Variants in CR2 observed in about 807,000 individuals in gnomAD.
CR2 encodes the protein complement receptor type 2.
Under a neutral mutation model 123.0 loss-of-function variants are expected in CR2, and 96 were observed. The ratio of observed to expected loss-of-function variants is 0.78; its 90% CI spans 0.66 to 0.93. The LOEUF is 0.93. CR2 is among the 40% of genes least tolerant of loss of function. CR2 has a pLI of 0.00. For missense variants in CR2, 1,258 were observed against 1,361.0 expected (o/e 0.92, Z 1.19); for synonymous variants, 484 against 469.5 (o/e 1.03, Z -0.40).
chr1:207,471,259 A>G (rs1658271560), intron 8 of CR2, among the ~76,000 whole-genome samples, 164 bp from the exon 9 acceptor site: 1 of 152,176 alleles, frequency 6.6e-6, no homozygotes, highest in Non-Finnish European at 1.5e-5. Flanking sequence ...TTTTCCATGC[A>G]TGGAAATTAT....
chr1:207,477,270 G>A (rs73072577), intron 15 of CR2, among the ~76,000 whole-genome samples: 1,608 of 152,318 alleles, frequency 0.011, 38 homozygotes, highest in African/African-American at 0.036. Flanking sequence ...AGGCAAGAGA[G>A]CGTGTGCAGG....
At chr1:207,484,599 CG>C (rs1222679812) in intron 18 of CR2, among the ~76,000 whole-genome samples, 1 of 152,206 alleles carries the variant, frequency 6.6e-6, no homozygotes, top group African/African-American at 2.4e-5. Context: ...CTCCTGTACA[CG>C]GAACTCTTCA....
intron 9 of CR2, among the ~76,000 whole-genome samples, chr1:207,472,174 G>A (rs545924764): frequency 3.3e-5 from 5 of 151,962 alleles, no homozygotes; most frequent in African/African-American, 9.7e-5. Context: ...ACTTGAACCC[G>A]GGAGGCGGAG....
Position 207,476,387 on chromosome 1 carries a change from G to T in CR2, c.2870G>T (p.Gly957Val), listed in dbSNP as rs764859619. 1.9e-6 allele frequency: 3 copies of T among 1,613,786 alleles called. No individual in the cohort carries two copies. Among genetic ancestry groups the T allele is most frequent in the Non-Finnish European group, 2.5e-6 (3 of 1,179,872 alleles). The change falls in exon 15 of 20, where the codon GGA becomes GTA. Residue 957 changes from glycine to valine, a missense_variant. Coordinates refer to ENST00000367057, the MANE Select transcript of CR2 (RefSeq NM_001006658.3). ...GCACTCCTTCTTTGCACACATGAGG[G>T]AACCTGGAGCCAACCTGCCCCTCAT... ...GEALLLCTHE[G>V]TWSQPAPHCK...
At chr1:207,467,021 G>T in intron 2 of CR2, 109 bp downstream of exon 2, 2 of 1,297,960 alleles carry the variant, frequency 1.5e-6, no homozygotes, top group Middle Eastern at 2.8e-4. Flanking sequence ...TAATGATGAG[G>T]GTGGAAGAAG....
intron 9 of CR2, chr1:207,471,913 T>C (rs1405597304): frequency 3.4e-6 from 1 of 290,948 alleles, no homozygotes; most frequent in Non-Finnish European, 6.6e-6. Flanking sequence ...TTCTGTAAAG[T>C]TGGCATAAGA....
chr1:207,456,067 AAT>A (rs1233200465), intron 1 of CR2, among the ~76,000 whole-genome samples: 1 of 152,216 alleles, frequency 6.6e-6, no homozygotes, highest in Non-Finnish European at 1.5e-5. Flanking sequence ...AAAATTAAGA[AAT>A]ATATATATTT....
rs1247960806 is a variant in CR2, at chr1:207,470,804, C to A, written c.1290C>A (p.Asp430Glu). The A allele has an allele frequency of 1.2e-6, 2 of 1,613,866 alleles. No homozygotes were observed. Among genetic ancestry groups the A allele is most frequent in the South Asian group, 2.2e-5 (2 of 91,074 alleles). Residue 430 changes from aspartate (D) to glutamate (E), a missense_variant, in exon 7 of 20, where the codon GAC becomes GAA. Coordinates refer to ENST00000367057, the MANE Select transcript of CR2 (RefSeq NM_001006658.3). ...QKEDRHMVRFDPGTSIKYSCN... is the reference protein window; with the variant it reads ...QKEDRHMVRFEPGTSIKYSCN... ...AAGATAGACACATGGTCCGCTTTGA[C>A]CCTGGAACATCTATAAAATATAGCT...
chr1:207,473,791 G>C lies in CR2; in HGVS notation c.2156-10G>C. ...CTATAAATACTGTAATTCCATCCTT[G>C]CTTCTCCAGAAACATGCCAGCATGT... On this transcript the variant is annotated splice_polypyrimidine_tract_variant and intron_variant, in intron 11 of 19. Transcript: ENST00000367057. The C allele has an allele frequency of 2.5e-6, 4 of 1,613,902 alleles. No individual in the cohort carries two copies. Among genetic ancestry groups the C allele is most frequent in the Non-Finnish European group, 3.4e-6 (4 of 1,179,870 alleles).
At chr1:207,475,883 C>T (rs957620031) in intron 14 of CR2, among the ~76,000 whole-genome samples, 1 of 152,224 alleles carries the variant, frequency 6.6e-6, no homozygotes, top group Non-Finnish European at 1.5e-5. Context: ...CTTGTCGTAT[C>T]TGGTGGCTTC....
At chr1:207,479,123 C>T in intron 16 of CR2, 134 bp from the exon 17 acceptor site, 1 of 740,822 alleles carries the variant, frequency 1.3e-6, no homozygotes, top group Non-Finnish European at 2.4e-6. Flanking sequence ...TGTGCCTGGC[C>T]CCAGTACATC....
chr1:207,487,077 C>T (rs1558200085), intron 19 of CR2, among the ~76,000 whole-genome samples: 3 of 152,092 alleles, frequency 2.0e-5, no homozygotes, highest in African/African-American at 7.2e-5. Flanking sequence ...AAGTACTGAG[C>T]CCTGGATCCT....
rs890195632 is a variant in CR2, at chr1:207,479,257, G to A, written c.3089G>A (p.Arg1030His). Residue 1030 changes from arginine (R) to histidine (H), a missense_variant and splice_region_variant, in exon 17 of 20, where the codon CGT becomes CAT. By Grantham distance (29) the Arg-to-His change is conservative (BLOSUM62 0). Coordinates refer to ENST00000367057, the MANE Select transcript of CR2 (RefSeq NM_001006658.3). ...WNPPLAVCRSRSLAPVLCGIA... is the reference protein window; with the variant it reads ...WNPPLAVCRSHSLAPVLCGIA... ...TTTCATGATTTTGTACTATTTTTAGGTTCACTTGCTCCTGTCCTTTGTGGT... is the reference window on the plus strand; with the variant it reads ...TTTCATGATTTTGTACTATTTTTAGATTCACTTGCTCCTGTCCTTTGTGGT... The A allele has an allele frequency of 1.3e-6, 2 of 1,595,724 alleles. No individual in the cohort carries two copies. Among genetic ancestry groups the A allele is most frequent in the Non-Finnish European group, 1.7e-6 (2 of 1,163,766 alleles).
intron 2 of CR2, 76 bp from the exon 3 acceptor site, chr1:207,468,451 A>T (rs1003854215): frequency 2.7e-6 from 4 of 1,495,132 alleles, no homozygotes; most frequent in Admixed American, 1.7e-5. Context: ...AAGCCAAAAG[A>T]TTGGACCCCC....
At chr1:207,461,457 G>A (rs529332613) in intron 1 of CR2, among the ~76,000 whole-genome samples, 1 of 152,248 alleles carries the variant, frequency 6.6e-6, no homozygotes, top group Non-Finnish European at 1.5e-5. Flanking sequence ...TTACTGCAAT[G>A]ATATGCATTC....
intron 2 of CR2, among the ~76,000 whole-genome samples, chr1:207,467,604 T>C (rs1028345536): frequency 6.6e-6 from 1 of 152,152 alleles, no homozygotes; most frequent in Non-Finnish European, 1.5e-5. Flanking sequence ...AAGAACAATA[T>C]TGACAAATTT....
chr1:207,456,699 A>G (rs1049226334), intron 1 of CR2, among the ~76,000 whole-genome samples: 3 of 152,186 alleles, frequency 2.0e-5, no homozygotes, highest in Admixed American at 6.5e-5. Flanking sequence ...CTACAAACCT[A>G]CCAACTTACA....
rs148336036 is a variant in CR2, at chr1:207,469,786, C to T, written c.909C>T (p.Tyr303=). Residue 303 remains tyrosine (Y), a synonymous_variant, in exon 6 of 20, where the codon TAC becomes TAT. Coordinates refer to ENST00000367057, the MANE Select transcript of CR2 (RefSeq NM_001006658.3). ...ANVSYGSIVT[Y]TCDPDPEEGV... Reference sequence around the variant, plus strand: ...TCTCATATGGAAGCATAGTCACTTACACTTGTGACCCGGACCCAGAGGAAG... The same window carrying T: ...TCTCATATGGAAGCATAGTCACTTATACTTGTGACCCGGACCCAGAGGAAG... The T allele has an allele frequency of 1.6e-5, 26 of 1,613,838 alleles. No homozygotes were observed. In the African/African-American group the frequency reaches 3.1e-4, roughly 19 times the overall value.
chr1:207,476,385 G>A lies in CR2; in HGVS notation c.2868G>A (p.Glu956=), dbSNP rs1658440074. The A allele has an allele frequency of 6.2e-7, 1 of 1,613,712 alleles. No homozygotes were observed. Among genetic ancestry groups the A allele is most frequent in the Admixed American group, 1.7e-5 (1 of 59,968 alleles). The part of the protein sequence containing the change: ...VGEALLLCTH[E]GTWSQPAPHC... The stretch of plus-strand genomic sequence containing the variant: ...AGGCACTCCTTCTTTGCACACATGA[G>A]GGAACCTGGAGCCAACCTGCCCCTC... The change falls in exon 15 of 20, where the codon GAG becomes GAA. Residue 956 remains glutamate, a synonymous_variant. Transcript: ENST00000367057.
Sources: gnomAD v4.1 joint callset for allele counts (sites outside exome capture counted in the v4.1 genomes callset) on GRCh38, gnomAD v4.1.1 for gene constraint, MANE v1.5 for transcripts, NCBI Gene and HGNC (gene_info 2026-07-23, HGNC 2026-07-21) for gene names.